The following FTCDNL1 variants were observed in gnomAD, a reference collection of about 807,000 sequenced individuals.
FTCDNL1 encodes formiminotransferase N-terminal subdomain-containing protein.
FTCDNL1 carries 11 observed loss-of-function variants against 5.9 expected under a neutral mutation model. The observed-to-expected ratio is 1.87, with a 90% confidence interval of 1.18 to 3.10. FTCDNL1 has a LOEUF of 3.10. FTCDNL1 is among the 30% of genes most tolerant of loss of function. The pLI is 0.00. For synonymous variants in FTCDNL1, 58 were observed against 24.8 expected (o/e 2.34, Z -3.99); for missense variants, 115 against 65.5 (o/e 1.76, Z -2.61).
the FTCDNL1 span, among the ~76,000 whole-genome samples, chr2:199,691,303 G>A: frequency 6.6e-6 from 1 of 152,210 alleles, no homozygotes; most frequent in African/African-American, 2.4e-5. Flanking sequence ...CTCCCAAGTA[G>A]CTGGGATTAC....
At chr2:199,737,051 A>G in the FTCDNL1 span, among the ~76,000 whole-genome samples, 1 of 152,228 alleles carries the variant, frequency 6.6e-6, no homozygotes, top group African/African-American at 2.4e-5. Flanking sequence ...CATGGAATAA[A>G]TTTCCAAAAC....
Position 199,776,916 on chromosome 2 carries a change from G to GTA in FTCDNL1, c.212-16083_212-16082dup, listed in dbSNP as rs56091291. Among the ~76,000 whole-genome samples the GTA allele has an allele frequency of 5.8e-3, 826 of 143,404 alleles. 6 individuals are homozygous for GTA. Among genetic ancestry groups the GTA allele is most frequent in the South Asian group, 0.018 (84 of 4,550 alleles). 94.1% of individuals were successfully genotyped at this position (143,404 alleles called of 152,430 possible). On this transcript the variant is annotated intron_variant, in intron 3 of 3. Transcript: ENST00000416668. Reference sequence around the variant, plus strand: ...ATATACATGTGTAATATATGTGTATGTATATATATATACACACACACACAC... The same window carrying GTA: ...ATATACATGTGTAATATATGTGTATGTATATATATATATACACACACACACAC...
rs2076804565 is a variant in FTCDNL1 at position 199,849,014 on chromosome 2, T to C, written c.-7-45A>G. On this transcript the variant is annotated intron_variant, in intron 1 of 4. Transcript: ENST00000420128. ...TTTATGTGTCTCTAGAGTTGATTCA[T>C]ATTTTCATGTTTTAACTATAAAAAA... 6.0e-5 allele frequency: 41 copies of C among 678,382 alleles called. No homozygotes were observed. The South Asian group carries it at 6.6e-4, about 11-fold the overall frequency. The allele number at this position is 678,382 out of a possible 1,614,324, so 42.0% of individuals were successfully genotyped here. A position where few individuals can be genotyped will look rare whatever the true frequency, so the allele number is the denominator to read the frequency against.
chr2:199,763,932 C>T (rs1295287528), intron 3 of FTCDNL1, among the ~76,000 whole-genome samples: 1 of 152,160 alleles, frequency 6.6e-6, no homozygotes, highest in Non-Finnish European at 1.5e-5. Flanking sequence ...ACTTCCACCT[C>T]CCGGGTTCAA....
intron 3 of FTCDNL1, among the ~76,000 whole-genome samples, chr2:199,789,687 T>C (rs1206933379): frequency 6.6e-6 from 1 of 152,056 alleles, no homozygotes; most frequent in Non-Finnish European, 1.5e-5. Context: ...ATTGGTAACA[T>C]GAATCCATGC....
the FTCDNL1 span, among the ~76,000 whole-genome samples, chr2:199,668,104 A>C: frequency 6.6e-6 from 1 of 152,210 alleles, no homozygotes; most frequent in Admixed American, 6.5e-5. Flanking sequence ...ATGCTTTCAC[A>C]GTTGTTGTTT....
At chr2:199,701,851 A>G in the FTCDNL1 span, among the ~76,000 whole-genome samples, 1 of 152,128 alleles carries the variant, frequency 6.6e-6, no homozygotes, top group Non-Finnish European at 1.5e-5. Context: ...CCTGACCAAC[A>G]TGGCGAAACC....
At chr2:199,746,499 C>T in the FTCDNL1 span, among the ~76,000 whole-genome samples, 1 of 151,780 alleles carries the variant, frequency 6.6e-6, no homozygotes, top group Non-Finnish European at 1.5e-5. Context: ...AGGTCCAAGC[C>T]CTGGCCCTTG....
chr2:199,836,987 G>T (rs1702790174), intron 3 of FTCDNL1, among the ~76,000 whole-genome samples: 1 of 152,190 alleles, frequency 6.6e-6, no homozygotes, highest in Non-Finnish European at 1.5e-5. Flanking sequence ...GGTTGTAGCA[G>T]AGCCACAGTA....
the FTCDNL1 span, among the ~76,000 whole-genome samples, chr2:199,746,764 T>C: frequency 3.3e-5 from 5 of 150,536 alleles, no homozygotes; most frequent in Non-Finnish European, 5.9e-5. Flanking sequence ...CCACTCATGG[T>C]CAGGGTGTCC....
chr2:199,773,340 C>T (rs1698904600), intron 3 of FTCDNL1, among the ~76,000 whole-genome samples: 2 of 151,482 alleles, frequency 1.3e-5, no homozygotes, highest in African/African-American at 2.4e-5. Context: ...TCCCCATCTA[C>T]CCCCATTCTT....
At chr2:199,768,247 G>A (rs931007194) in intron 3 of FTCDNL1, among the ~76,000 whole-genome samples, 12 of 152,054 alleles carry the variant, frequency 7.9e-5, no homozygotes, top group African/African-American at 2.7e-4. Flanking sequence ...AGATTGCATT[G>A]GGTTCTTATA....
chr2:199,813,772 A>C (rs1326541416), intron 4 of FTCDNL1, among the ~76,000 whole-genome samples: 1 of 151,886 alleles, frequency 6.6e-6, no homozygotes, highest in African/African-American at 2.4e-5. Context: ...TTAGTTGGGC[A>C]TGGTGGCGCG....
the FTCDNL1 span, among the ~76,000 whole-genome samples, chr2:199,727,920 G>C: frequency 6.6e-6 from 1 of 152,034 alleles, no homozygotes; most frequent in East Asian, 1.9e-4. Context: ...GTGTGACTTG[G>C]CCATCATCTC....
At chr2:199,843,037 A>C (rs2076633889) in intron 3 of FTCDNL1, among the ~76,000 whole-genome samples, 1 of 152,252 alleles carries the variant, frequency 6.6e-6, no homozygotes, top group Admixed American at 6.5e-5. Context: ...TTAGAGCATC[A>C]AAATAGTAAC....
At chr2:199,845,291 G>C (rs2076701349) in intron 3 of FTCDNL1, among the ~76,000 whole-genome samples, 1 of 152,054 alleles carries the variant, frequency 6.6e-6, no homozygotes, top group Admixed American at 6.5e-5. Flanking sequence ...TCCAGGCCGG[G>C]CTCAGTGGCT....
intron 3 of FTCDNL1, among the ~76,000 whole-genome samples, chr2:199,761,296 G>T (rs554364723): frequency 6.6e-6 from 1 of 152,274 alleles, no homozygotes; most frequent in South Asian, 2.1e-4. Flanking sequence ...TGTCCCTGTT[G>T]GCAGAGGCGA....
downstream of FTCDNL1, among the ~76,000 whole-genome samples, chr2:199,759,200 T>G (rs913632417): frequency 1.3e-5 from 2 of 151,644 alleles, no homozygotes; most frequent in Non-Finnish European, 2.9e-5. Context: ...AAGTCCAGAG[T>G]AGATACACCA....
chr2:199,695,924 C>A, the FTCDNL1 span, among the ~76,000 whole-genome samples: 1 of 152,260 alleles, frequency 6.6e-6, no homozygotes, highest in East Asian at 1.9e-4. Flanking sequence ...CCCATGGGAC[C>A]GAGGCAGTCT....
Sources: gnomAD v4.1 joint callset for allele counts (sites outside exome capture counted in the v4.1 genomes callset) on GRCh38, gnomAD v4.1.1 for gene constraint, MANE v1.5 for transcripts, NCBI Gene and HGNC (gene_info 2026-07-23, HGNC 2026-07-21) for gene names.